Variants in DMPK observed in about 807,000 individuals in gnomAD.
The protein encoded by DMPK is DM1 protein kinase.
A neutral mutation model predicts 70.3 loss-of-function variants in DMPK; 32 were observed. The ratio of observed to expected loss-of-function variants is 0.46; its 90% CI spans 0.34 to 0.61. The LOEUF is 0.61. Among genes scored for constraint, DMPK ranks in the 20% least tolerant of loss-of-function variants. DMPK has a pLI of 0.01. For synonymous variants in DMPK, 469 were observed against 390.9 expected, an observed-to-expected ratio of 1.20 and a Z score of -2.36; for missense variants, 899 against 886.0, an observed-to-expected ratio of 1.01 and a Z score of -0.19.
At chr19:45,771,960 G>GT (rs1969486578) in intron 10 of DMPK, 32 bp from the exon 11 acceptor site, 1 of 1,532,742 alleles carries the variant, frequency 6.5e-7, no homozygotes, top group South Asian at 1.2e-5. Flanking sequence ...AAGGCTGCCT[G>GT]TGGCTCCTGG....
At chr19:45,770,898 G>A (rs1418933898) in intron 14 of DMPK, 73 bp downstream of exon 14, 35 of 1,203,036 alleles carry the variant, frequency 2.9e-5, no homozygotes, top group Non-Finnish European at 3.3e-5. Context: ...CAAATGCGCA[G>A]CTAAGCGGGT....
At chr19:45,782,055 C>T in intron 1 of DMPK, 138 bp downstream of exon 1, 1 of 812,358 alleles carries the variant, frequency 1.2e-6, no homozygotes, top group Non-Finnish European at 1.9e-6. Flanking sequence ...CAGGTCCACA[C>T]TCTGAGCCCC....
intron 1 of DMPK, among the ~76,000 whole-genome samples, chr19:45,781,474 C>T (rs562034960): frequency 2.0e-5 from 3 of 152,034 alleles, no homozygotes; most frequent in African/African-American, 7.2e-5. Context: ...ACGCAGGGAC[C>T]CGGGGTGGCG....
At chr19:45,770,940 G>A (rs1969378403) in intron 14 of DMPK, 31 bp downstream of exon 14, 2 of 1,391,564 alleles carry the variant, frequency 1.4e-6, no homozygotes, top group South Asian at 3.1e-5. Context: ...GGGGCGCGAC[G>A]GCGGAGGGGG....
chr19:45,779,704 T>G (rs1970008268), intron 2 of DMPK, 74 bp downstream of exon 2: 5 of 1,529,414 alleles, frequency 3.3e-6, no homozygotes, highest in Non-Finnish European at 3.5e-6. Context: ...ATTCATCAAT[T>G]TCTAAGGCCC....
At position 45,778,612 on chromosome 19, in the gene DMPK, C is replaced by A. The variant is rs754963585; in HGVS notation, c.462G>T (p.Gly154=). The A allele has an allele frequency of 1.4e-5, 22 of 1,613,884 alleles. No individual in the cohort carries two copies. In the South Asian group the frequency reaches 1.9e-4, roughly 14 times the overall value. Residue 154 remains glycine, a synonymous_variant, in exon 5 of 15, where the codon GGG becomes GGT. Coordinates refer to ENST00000291270, the MANE Select transcript of DMPK (RefSeq NM_004409.5). ...LYLVMEYYVG[G]DLLTLLSKFG... is the part of the protein sequence containing the mutation. ...ACTTGCTCAGCAGTGTCAGCAGGTC[C>A]CCGCCCACGTAATACTCCATGACCA...
In DMPK at chr19:45,774,995, C is replaced by A. The variant is rs1372951689; in HGVS notation, c.1186G>T (p.Val396Phe). The change falls in exon 9 of 15, where the codon GTC (valine) becomes TTC (phenylalanine). Residue 396 changes from valine (V) to phenylalanine (F), a missense_variant. Val to Phe is a conservative substitution (Grantham distance 50). This residue lies in a region of DMPK where 555 missense variants were observed against 483.8 expected (regional missense o/e 1.15). Transcript: ENST00000291270. ...GAGTAGCCCACAAAAGGCAGGTGGA[C>A]CCCTAGCGGCGCACCTTCCCGAATG... ...SDIREGAPLG[V>F]HLPFVGYSYS... is the part of the protein sequence containing the mutation. The A allele has an allele frequency of 6.2e-7, 1 of 1,613,968 alleles. No individual in the cohort carries two copies. Among genetic ancestry groups the A allele is most frequent in the Non-Finnish European group, 8.5e-7 (1 of 1,180,004 alleles).
At chr19:45,779,009 G>A (rs767305569) in intron 4 of DMPK, 7 of 588,212 alleles carry the variant, frequency 1.2e-5, no homozygotes, top group Non-Finnish European at 1.8e-5. Context: ...TTCCAGGTAA[G>A]AGACCCCCCG....
chr19:45,779,942 C>G (rs573985824), intron 1 of DMPK, 73 bp from the exon 2 acceptor site: 4 of 1,607,218 alleles, frequency 2.5e-6, no homozygotes, highest in African/African-American at 1.3e-5. Context: ...AAAGCCCCAC[C>G]CTCTGTCTGT....
chr19:45,770,039 G>A lies in DMPK; in HGVS notation c.*449C>T, dbSNP rs1224928861. 7.0e-6 allele frequency: 3 copies of A among 426,798 alleles called. No individual in the cohort carries two copies. Among genetic ancestry groups the A allele is most frequent in the Non-Finnish European group, 1.3e-5 (3 of 226,596 alleles). The allele number at this position is 426,798 out of a possible 1,614,324, so 26.4% of individuals were successfully genotyped here. Reference sequence around the variant, plus strand: ...CGCGCCAGACGCTCCCCAGAGCAGGGCGTCATGCACAAGAAAGCTTTGCAC... The same window carrying A: ...CGCGCCAGACGCTCCCCAGAGCAGGACGTCATGCACAAGAAAGCTTTGCAC... On this transcript the variant is annotated 3_prime_UTR_variant, in exon 15 of 15. Coordinates refer to ENST00000291270, the MANE Select transcript of DMPK (RefSeq NM_004409.5).
Position 45,777,161 on chromosome 19 carries a change from G to GTA in DMPK, c.1146+164_1146+165dup, listed in dbSNP as rs748627080. On this transcript the variant is annotated intron_variant, in intron 8 of 14. Transcript: ENST00000291270. The surrounding 1 kb of genome is among the most constrained non-coding windows in gnomAD (Gnocchi z 6.7). The stretch of plus-strand genomic sequence containing the variant: ...CTGCTCTGTGTTCCCCCACTGGACT[G>GTA]TAAGTCTAGGTCACTGCTGGGTCCT... The GTA allele has an allele frequency of 2.6e-5, 25 of 962,050 alleles. No individual in the cohort carries two copies. The highest frequency in any genetic ancestry group is 6.6e-5 in the African/African-American group (4 of 60,530). 59.6% of individuals were successfully genotyped at this position (962,050 alleles called of 1,614,324 possible).
chr19:45,776,678 T>C (rs1193403068), intron 8 of DMPK: 2 of 152,666 alleles, frequency 1.3e-5, no homozygotes, highest in African/African-American at 2.4e-5. Flanking sequence ...CAGGCTGGTC[T>C]CGAACTCCTG....
At chr19:45,778,923 C>G (rs1407823341) in intron 4 of DMPK, 1 of 567,904 alleles carries the variant, frequency 1.8e-6, no homozygotes, top group Non-Finnish European at 3.1e-6. Context: ...AGAGGCCACC[C>G]AACACCCAGA....
chr19:45,772,326 C>A, intron 10 of DMPK: 1 of 357,752 alleles, frequency 2.8e-6, no homozygotes. Context: ...GGATTCCCAC[C>A]TGCCCAAGGC....
At chr19:45,776,423 G>A (rs561397709) in intron 8 of DMPK, among the ~76,000 whole-genome samples, 6 of 151,158 alleles carry the variant, frequency 4.0e-5, no homozygotes, top group Non-Finnish European at 5.9e-5. Flanking sequence ...GATTACAGGC[G>A]TGAGCCACCA....
rs972738417 is a variant in DMPK at position 45,770,408 on chromosome 19, G to A, written c.*80C>T. 8 of 1,501,148 alleles carry A rather than the reference G, an allele frequency of 5.3e-6. No individual in the cohort carries two copies. Among genetic ancestry groups the A allele is most frequent in the South Asian group, 4.8e-5 (4 of 82,990 alleles). 93.0% of individuals were successfully genotyped at this position (1,501,148 alleles called of 1,614,324 possible). A position where few individuals can be genotyped will look rare whatever the true frequency, so the allele number is the denominator to read the frequency against. On this transcript the variant is annotated 3_prime_UTR_variant, in exon 15 of 15. Transcript: ENST00000291270. ...GCTCGGAGCGGTTGTGAACTGGCAG[G>A]CGGTGGGCGCGGCTTCTGTGCCGTG...
In DMPK at chr19:45,778,181, G is replaced by C; in HGVS notation, c.621C>G (p.Gly207=). 6.2e-7 allele frequency: 1 copy of C among 1,613,842 alleles called. No individual in the cohort carries two copies. The highest frequency in any genetic ancestry group is 8.5e-7 in the Non-Finnish European group (1 of 1,179,920). The change falls in exon 6 of 15, where the codon GGC becomes GGG. Residue 207 remains glycine (G), a synonymous_variant. Coordinates refer to ENST00000291270, the MANE Select transcript of DMPK (RefSeq NM_004409.5). ...KPDNILLDRC[G]HIRLADFGSC... Reference sequence around the variant, plus strand: ...AGCCGAAGTCGGCCAGGCGGATGTGGCCACAGCGGTCCAGCAGGATGTTGT... The same window carrying C: ...AGCCGAAGTCGGCCAGGCGGATGTGCCCACAGCGGTCCAGCAGGATGTTGT...
Position 45,771,940 on chromosome 19 carries a change from G to A in DMPK, c.1345-12C>T. 6.3e-7 allele frequency: 1 copy of A among 1,580,560 alleles called. No homozygotes were observed. The highest frequency in any genetic ancestry group is 8.6e-7 in the Non-Finnish European group (1 of 1,162,230). ...ACTGCCACTTCAGCCTGTGTATGGG[G>A]ACCAGGCTTAAGGCTGCCTGTGGCT... On this transcript the variant is annotated splice_polypyrimidine_tract_variant and intron_variant, in intron 10 of 14. Transcript: ENST00000291270.
chr19:45,775,042 A>G lies in DMPK; in HGVS notation c.1147-8T>C. The G allele has an allele frequency of 6.2e-7, 1 of 1,612,428 alleles. No individual in the cohort carries two copies. The highest frequency in any genetic ancestry group is 8.5e-7 in the Non-Finnish European group (1 of 1,179,026). On this transcript the variant is annotated splice_polypyrimidine_tract_variant and splice_region_variant and intron_variant, in intron 8 of 14. Coordinates refer to ENST00000291270, the MANE Select transcript of DMPK (RefSeq NM_004409.5). The stretch of plus-strand genomic sequence containing the variant: ...AATGTCCGACAGTGTCTCCTGCGCA[A>G]GACACACAGATGTGAGCAGCAGTCG...
Sources: gnomAD v4.1 joint callset for allele counts (sites outside exome capture counted in the v4.1 genomes callset) on GRCh38, gnomAD v4.1.1 for gene constraint, gnomAD v4.1.1 regional missense constraint, Gnocchi (gnomAD v3.1) non-coding constraint, MANE v1.5 for transcripts, NCBI Gene and HGNC (gene_info 2026-07-23, HGNC 2026-07-21) for gene names.